The following EXOC4 variants were observed in gnomAD, a reference collection of about 807,000 sequenced individuals.
EXOC4 encodes SEC8-like 1.
In EXOC4, 71 loss-of-function variants were observed where a neutral mutation model predicts 107.2. The observed-to-expected ratio is 0.66, with a 90% CI of 0.55 to 0.81. EXOC4 has a LOEUF of 0.81. EXOC4 is among the 30% of genes least tolerant of loss of function. The pLI, the probability that EXOC4 is intolerant of heterozygous loss-of-function variation, is 0.00. For missense variants in EXOC4, 1,108 were observed against 1,189.6 expected, an observed-to-expected ratio of 0.93 and a Z score of 1.01; for synonymous variants, 456 against 441.2, an observed-to-expected ratio of 1.03 and a Z score of -0.42.
intron 9 of EXOC4, among the ~76,000 whole-genome samples, chr7:133,513,488 T>G (rs1799813948): frequency 6.6e-6 from 1 of 152,244 alleles, no homozygotes; most frequent in Admixed American, 6.5e-5. Context: ...CTTTTATTGA[T>G]AACTTCAGGT....
chr7:133,862,141 T>A (rs1200970394), intron 11 of EXOC4, among the ~76,000 whole-genome samples: 1 of 151,998 alleles, frequency 6.6e-6, no homozygotes. Context: ...ATATGGTTCA[T>A]GTCTTTAGTT....
At chr7:133,298,371 A>G (rs540394914) in intron 3 of EXOC4, among the ~76,000 whole-genome samples, 3 of 152,218 alleles carry the variant, frequency 2.0e-5, no homozygotes, top group African/African-American at 7.2e-5. Flanking sequence ...TCCTTTGCCA[A>G]CTCTTAAAAA....
At chr7:133,939,936 A>AT (rs1563064907) in intron 14 of EXOC4, among the ~76,000 whole-genome samples, 1 of 152,086 alleles carries the variant, frequency 6.6e-6, no homozygotes. Flanking sequence ...GAAAGAACTA[A>AT]TTTTTTCTTT....
chr7:134,093,837 A>G, the EXOC4 span, among the ~76,000 whole-genome samples: 4 of 152,250 alleles, frequency 2.6e-5, no homozygotes, highest in African/African-American at 9.6e-5. Flanking sequence ...TGGGTAAACA[A>G]CAAAATCAAG....
At chr7:133,803,589 T>C (rs190858266) in intron 10 of EXOC4, among the ~76,000 whole-genome samples, 1 of 152,284 alleles carries the variant, frequency 6.6e-6, no homozygotes, top group East Asian at 1.9e-4. Flanking sequence ...AGAGTCTAGT[T>C]TTTCTTAGAA....
chr7:133,794,383 A>G (rs1796769964), intron 10 of EXOC4, among the ~76,000 whole-genome samples: 1 of 152,194 alleles, frequency 6.6e-6, no homozygotes, highest in Non-Finnish European at 1.5e-5. Flanking sequence ...CTGGCCGACT[A>G]GCCCCTTGGT....
chr7:133,926,771 G>T (rs552560879), intron 13 of EXOC4, among the ~76,000 whole-genome samples: 1 of 152,236 alleles, frequency 6.6e-6, no homozygotes, highest in Non-Finnish European at 1.5e-5. Context: ...AGGACATTTT[G>T]TAGCTATTTT....
chr7:133,647,093 ATGTT>A (rs1461307676), intron 10 of EXOC4, among the ~76,000 whole-genome samples: 4 of 152,178 alleles, frequency 2.6e-5, no homozygotes, highest in Non-Finnish European at 1.5e-5. Flanking sequence ...TTGCCACTAA[ATGTT>A]TGACGGCACG....
At chr7:133,581,739 A>G (rs1434907365) in intron 9 of EXOC4, among the ~76,000 whole-genome samples, 1 of 140,078 alleles carries the variant, frequency 7.1e-6, no homozygotes, top group African/African-American at 2.7e-5. Context: ...GCTTGGGCGA[A>G]AGAGTGAGAC....
intron 10 of EXOC4, among the ~76,000 whole-genome samples, chr7:133,684,029 G>A (rs1042048695): frequency 2.0e-5 from 3 of 151,998 alleles, no homozygotes; most frequent in Non-Finnish European, 4.4e-5. Context: ...GAAAGCTACG[G>A]GATCACATTT....
intron 11 of EXOC4, among the ~76,000 whole-genome samples, chr7:133,848,982 C>T (rs182773401): frequency 1.6e-4 from 25 of 152,136 alleles, no homozygotes; most frequent in Admixed American, 3.9e-4. Flanking sequence ...TCAAAAATAC[C>T]GGAATACAAA....
At chr7:133,310,342 TGGA>T (rs1191731802) in intron 4 of EXOC4, among the ~76,000 whole-genome samples, 8 of 152,264 alleles carry the variant, frequency 5.3e-5, no homozygotes, top group African/African-American at 1.9e-4. Flanking sequence ...AATAGGCACT[TGGA>T]AACTGTGACT....
intron 15 of EXOC4, among the ~76,000 whole-genome samples, chr7:134,001,913 C>T (rs1177527204): frequency 6.6e-6 from 1 of 152,250 alleles, no homozygotes; most frequent in Non-Finnish European, 1.5e-5. Context: ...ATGGTCTTCT[C>T]ATTGCCTGGA....
At chr7:133,869,894 A>G (rs1226533039) in intron 11 of EXOC4, among the ~76,000 whole-genome samples, 1 of 152,188 alleles carries the variant, frequency 6.6e-6, no homozygotes, top group African/African-American at 2.4e-5. Flanking sequence ...ACAGCTTGCC[A>G]CTTGGGATCT....
At chr7:133,804,116 T>C (rs1374714212) in intron 10 of EXOC4, among the ~76,000 whole-genome samples, 1 of 152,170 alleles carries the variant, frequency 6.6e-6, no homozygotes, top group Non-Finnish European at 1.5e-5. Context: ...GGAGGTAACT[T>C]TGAGAACTTT....
chr7:133,772,674 G>C (rs1796269049), intron 10 of EXOC4, among the ~76,000 whole-genome samples: 1 of 152,046 alleles, frequency 6.6e-6, no homozygotes, highest in African/African-American at 2.4e-5. Flanking sequence ...AAACCATGTT[G>C]AAATCATAGA....
At chr7:133,355,710 A>G (rs1337265022) in intron 5 of EXOC4, among the ~76,000 whole-genome samples, 2 of 151,504 alleles carry the variant, frequency 1.3e-5, no homozygotes, top group South Asian at 2.1e-4. Context: ...TCTGTCTCCT[A>G]TAGATAATTA....
At chr7:133,983,250 A>G (rs1474159564) in intron 14 of EXOC4, among the ~76,000 whole-genome samples, 1 of 152,158 alleles carries the variant, frequency 6.6e-6, no homozygotes, top group Non-Finnish European at 1.5e-5. Context: ...ACCTCCCACT[A>G]GGCCCCACCT....
intron 4 of EXOC4, among the ~76,000 whole-genome samples, chr7:133,314,412 T>TAG (rs937119590): frequency 6.6e-6 from 1 of 152,148 alleles, no homozygotes; most frequent in Non-Finnish European, 1.5e-5. Context: ...GGGAAAATTT[T>TAG]AGAGAGAGAG....
Sources: allele counts gnomAD v4.1 joint callset (sites outside exome capture counted in the v4.1 genomes callset), GRCh38; gene constraint gnomAD v4.1.1; transcripts MANE v1.5; gene names NCBI Gene and HGNC (gene_info 2026-07-23, HGNC 2026-07-21).